UNC13C: variants seen among roughly 807,000 people sequenced by gnomAD.
UNC13C encodes unc-13 homolog C.
UNC13C carries 174 observed loss-of-function variants against 245.4 expected under a neutral mutation model. The observed-to-expected ratio is 0.71, with a 90% CI of 0.63 to 0.80. UNC13C has a LOEUF of 0.80. UNC13C is among the 30% of genes least tolerant of loss of function. UNC13C has a pLI of 0.00. For missense variants in UNC13C, 2,829 were observed against 2,602.9 expected, an observed-to-expected ratio of 1.09 and a Z score of -1.89; for synonymous variants, 992 against 895.1, an observed-to-expected ratio of 1.11 and a Z score of -1.93.
intron 30 of UNC13C, among the ~76,000 whole-genome samples, chr15:54,616,912 T>G (rs1900475838): frequency 6.6e-6 from 1 of 152,058 alleles, no homozygotes; most frequent in Non-Finnish European, 1.5e-5. Context: ...TTTTTATGTT[T>G]TATACTATAT....
At chr15:54,534,691 T>G (rs1895909905) in intron 26 of UNC13C, among the ~76,000 whole-genome samples, 2 of 152,124 alleles carry the variant, frequency 1.3e-5, no homozygotes, top group African/African-American at 2.4e-5. Flanking sequence ...AGGAATCTAA[T>G]GATACAAGGG....
At chr15:54,070,651 A>G (rs1018581250) in intron 2 of UNC13C, among the ~76,000 whole-genome samples, 1 of 152,042 alleles carries the variant, frequency 6.6e-6, no homozygotes, top group African/African-American at 2.4e-5. Context: ...GGATACTTGG[A>G]CCATGCATGT....
intron 18 of UNC13C, among the ~76,000 whole-genome samples, chr15:54,403,157 A>G (rs2040221572): frequency 1.3e-5 from 2 of 152,164 alleles, no homozygotes; most frequent in African/African-American, 4.8e-5. Flanking sequence ...TACCCCATGC[A>G]CATCACACAC....
intron 13 of UNC13C, among the ~76,000 whole-genome samples, chr15:54,302,757 C>G (rs1222518787): frequency 3.3e-5 from 5 of 152,000 alleles, no homozygotes; most frequent in Admixed American, 3.3e-4. Context: ...TATGCTGGCT[C>G]TTTTTTTATT....
chr15:54,238,381 G>A (rs12161946), intron 7 of UNC13C, among the ~76,000 whole-genome samples: 24,436 of 151,908 alleles, frequency 0.16, 2,438 homozygotes, highest in African/African-American at 0.27. Context: ...CCCTTTTATA[G>A]CATTTATTCA....
Position 54,013,313 on chromosome 15 carries a change from G to C in UNC13C, c.410G>C (p.Ser137Thr). 1 of 1,613,850 alleles carries C rather than the reference G, an allele frequency of 6.2e-7. No individual in the cohort carries two copies. Among genetic ancestry groups the C allele is most frequent in the South Asian group, 1.1e-5 (1 of 91,086 alleles). The change falls in exon 2 of 33, where the codon AGC (serine) becomes ACC (threonine). Residue 137 changes from serine (S) to threonine (T), a missense_variant. Coordinates refer to ENST00000260323, the MANE Select transcript of UNC13C (RefSeq NM_001080534.3). ...GAATCATTAAATGAACTAAGGAGTA[G>C]CACAGAAAACCAGGCACAATCAACA... Reference protein sequence around the residue: ...YSESLNELRSSTENQAQSTHT... With the variant: ...YSESLNELRSTTENQAQSTHT...
At chr15:54,481,818 G>T (rs969268987) in intron 19 of UNC13C, among the ~76,000 whole-genome samples, 1 of 152,138 alleles carries the variant, frequency 6.6e-6, no homozygotes, top group African/African-American at 2.4e-5. Flanking sequence ...GATGCCAGCA[G>T]TGGCAGGCAG....
At chr15:53,992,907 A>C (rs1436541989) in intron 1 of UNC13C, among the ~76,000 whole-genome samples, 1 of 152,076 alleles carries the variant, frequency 6.6e-6, no homozygotes, top group Non-Finnish European at 1.5e-5. Flanking sequence ...TGAACCTCTC[A>C]AATACCTGAG....
At chr15:54,338,185 G>C (rs939249362) in intron 16 of UNC13C, among the ~76,000 whole-genome samples, 176 bp from the exon 17 acceptor site, 33 of 152,140 alleles carry the variant, frequency 2.2e-4, no homozygotes, top group African/African-American at 8.0e-4. Flanking sequence ...TTTTCAATAA[G>C]TTTTTATATC....
chr15:54,142,933 C>A, intron 2 of UNC13C, 85 bp from the exon 3 acceptor site: 1 of 1,130,694 alleles, frequency 8.8e-7, no homozygotes, highest in Non-Finnish European at 1.3e-6. Flanking sequence ...AACATATTAA[C>A]ACTCTGTTCA....
At chr15:54,412,600 A>G (rs776005340) in intron 18 of UNC13C, among the ~76,000 whole-genome samples, 14 of 152,240 alleles carry the variant, frequency 9.2e-5, no homozygotes, top group Non-Finnish European at 1.9e-4. Context: ...CCAATAGTTC[A>G]TTGGTAGTAT....
At chr15:54,534,741 G>A (rs1596530042) in intron 26 of UNC13C, among the ~76,000 whole-genome samples, 2 of 152,102 alleles carry the variant, frequency 1.3e-5, no homozygotes, top group East Asian at 3.9e-4. Flanking sequence ...GAATCAAAGT[G>A]GTCTGATGGA....
At chr15:54,001,947 C>T (rs1440500115) in intron 1 of UNC13C, among the ~76,000 whole-genome samples, 1 of 152,192 alleles carries the variant, frequency 6.6e-6, no homozygotes, top group African/African-American at 2.4e-5. Context: ...CTGATGTTAT[C>T]CCACTTGAAC....
At chr15:54,349,746 A>G (rs1352658763) in intron 17 of UNC13C, among the ~76,000 whole-genome samples, 2 of 152,192 alleles carry the variant, frequency 1.3e-5, no homozygotes, top group African/African-American at 2.4e-5. Flanking sequence ...AAGTTCACCA[A>G]GGGCATGTTT....
intron 4 of UNC13C, among the ~76,000 whole-genome samples, chr15:54,223,495 C>A (rs942694762): frequency 1.3e-5 from 2 of 151,966 alleles, no homozygotes; most frequent in African/African-American, 2.4e-5. Context: ...GTTACTGTAG[C>A]TCTGTAGAAT....
chr15:53,849,631 T>A, the UNC13C span, among the ~76,000 whole-genome samples: 2 of 152,156 alleles, frequency 1.3e-5, no homozygotes, highest in Non-Finnish European at 2.9e-5. Context: ...ACCAAAAATA[T>A]TTCTTCTTAT....
At chr15:54,292,790 A>G (rs1002817549) in intron 10 of UNC13C, among the ~76,000 whole-genome samples, 3 of 151,160 alleles carry the variant, frequency 2.0e-5, no homozygotes, top group Non-Finnish European at 4.4e-5. Flanking sequence ...ATTGATGACA[A>G]AAATGCTGCT....
chr15:54,121,348 G>A (rs756667035), intron 2 of UNC13C, among the ~76,000 whole-genome samples: 2 of 152,086 alleles, frequency 1.3e-5, no homozygotes, highest in South Asian at 4.1e-4. Flanking sequence ...TAGCAATAAA[G>A]TATTTTTAAT....
At chr15:54,401,320 G>T (rs977097366) in intron 18 of UNC13C, among the ~76,000 whole-genome samples, 28 of 152,182 alleles carry the variant, frequency 1.8e-4, no homozygotes, top group Middle Eastern at 3.4e-3. Flanking sequence ...TTGTAAAAGA[G>T]ATATATACGA....
Sources: gnomAD v4.1 joint callset for allele counts (sites outside exome capture counted in the v4.1 genomes callset) on GRCh38, gnomAD v4.1.1 for gene constraint, MANE v1.5 for transcripts, NCBI Gene and HGNC (gene_info 2026-07-23, HGNC 2026-07-21) for gene names.